Variants in KLHL36 observed in about 807,000 individuals in gnomAD.
The protein encoded by KLHL36 is kelch like family member 36.
KLHL36 carries 35 observed loss-of-function variants against 53.3 expected under a neutral mutation model. The ratio of observed to expected loss-of-function variants is 0.66; its 90% CI spans 0.50 to 0.87. The LOEUF (loss-of-function observed/expected upper bound fraction) is 0.87. Ranked by LOEUF, KLHL36 falls within the 40% of genes least tolerant of loss-of-function variation. The pLI is 0.00. For synonymous variants in KLHL36, 472 were observed against 398.9 expected (o/e 1.18, Z -2.18); for missense variants, 864 against 897.6 (o/e 0.96, Z 0.48).
intron 2 of KLHL36, among the ~76,000 whole-genome samples, chr16:84,654,361 G>T (rs1213615834): frequency 6.6e-6 from 1 of 152,180 alleles, no homozygotes; most frequent in African/African-American, 2.4e-5. Flanking sequence ...ATAATTAGAA[G>T]CTGAGGCCTA....
Position 84,666,079 on chromosome 16 carries a change from T to C in KLHL36, c.*3946T>C, listed in dbSNP as rs2150732700. 1 of 152,350 alleles carries C rather than the reference T, an allele frequency of 6.6e-6. No homozygotes were observed. The highest frequency in any genetic ancestry group is 1.5e-5 in the Non-Finnish European group (1 of 68,050). 9.4% of individuals were successfully genotyped at this position (152,350 alleles called of 1,614,324 possible). On this transcript the variant is annotated 3_prime_UTR_variant, in exon 5 of 5. Coordinates refer to ENST00000564996, the MANE Select transcript of KLHL36 (RefSeq NM_024731.4). ...GAGGGGAGGGGGTGGCATCCTGGCC[T>C]CTAGGATAAATGCCTGGAGTATAGG...
At chr16:84,658,678 C>A (rs1907365530) in intron 3 of KLHL36, 1 of 152,266 alleles carries the variant, frequency 6.6e-6, no homozygotes, top group Non-Finnish European at 1.5e-5. Context: ...TGGCAAGCCC[C>A]TGGCGTAGGG....
chr16:84,653,455 A>C (rs1273191484), intron 2 of KLHL36, among the ~76,000 whole-genome samples: 1 of 151,956 alleles, frequency 6.6e-6, no homozygotes, highest in African/African-American at 2.4e-5. Context: ...CTCTGTTACC[A>C]ATGTCCCTTT....
chr16:84,658,061 G>A (rs141573248), intron 3 of KLHL36, 117 bp downstream of exon 3: 1 of 800,694 alleles, frequency 1.2e-6, no homozygotes, highest in Non-Finnish European at 1.9e-6. Context: ...TCTGAATGAG[G>A]TGTGATGATA....
chr16:84,658,026 C>T (rs1341768671), intron 3 of KLHL36, 82 bp downstream of exon 3: 3 of 1,056,764 alleles, frequency 2.8e-6, no homozygotes, highest in Non-Finnish European at 4.0e-6. Flanking sequence ...CCTTACCTCT[C>T]TGGGGCCTTG....
In KLHL36 at chr16:84,656,842, G is replaced by A. The variant is rs765920632; in HGVS notation, c.64-29G>A. The A allele has an allele frequency of 5.1e-6, 8 of 1,556,006 alleles. No individual in the cohort carries two copies. In the Admixed American group the frequency reaches 6.9e-5, roughly 13 times the overall value. On this transcript the variant is annotated intron_variant, in intron 2 of 4. Transcript: ENST00000564996. ...GGACCAGGGCCGAGCAGGCTGCTGC[G>A]CCGTTTCTAATGTGTCTTCTCTGTC...
At position 84,665,936 on chromosome 16, in the gene KLHL36, T is replaced by G. The variant is rs1245873301; in HGVS notation, c.*3803T>G. 1 of 152,116 alleles carries G rather than the reference T, an allele frequency of 6.6e-6. No homozygotes were observed. Among genetic ancestry groups the G allele is most frequent in the African/African-American group, 2.4e-5 (1 of 41,362 alleles). 9.4% of individuals were successfully genotyped at this position (152,116 alleles called of 1,614,324 possible). ...ATGGTGCAGCAGCATCTCATGGGCC[T>G]TGTGGCTGTCAGAGCCCGTGGTTGG... On this transcript the variant is annotated 3_prime_UTR_variant, in exon 5 of 5. Transcript: ENST00000564996.
chr16:84,659,605 C>T (rs1907425287), intron 3 of KLHL36, 155 bp from the exon 4 acceptor site: 1 of 756,128 alleles, frequency 1.3e-6, no homozygotes, highest in Non-Finnish European at 2.1e-6. Context: ...TCAGAGCTCC[C>T]ACCTGAAGAA....
chr16:84,657,040 G>A lies in KLHL36; in HGVS notation c.233G>A (p.Gly78Asp). Reference sequence around the variant, plus strand: ...TACTTCAACTCCATGTTCACCATCGGCATGCGGGAAGCTTTCCAGAAGGAG... The same window carrying A: ...TACTTCAACTCCATGTTCACCATCGACATGCGGGAAGCTTTCCAGAAGGAG... ...SDYFNSMFTI[G>D]MREAFQKEVE... The change falls in exon 3 of 5, where the codon GGC becomes GAC. Residue 78 changes from glycine (G) to aspartate (D), a missense_variant. Gly to Asp is a moderately conservative substitution (Grantham distance 94, BLOSUM62 -1). Transcript: ENST00000564996. 1 of 1,614,198 alleles carries A rather than the reference G, an allele frequency of 6.2e-7. No individual in the cohort carries two copies. The highest frequency in any genetic ancestry group is 8.5e-7 in the Non-Finnish European group (1 of 1,180,050).
At position 84,667,166 on chromosome 16, in the gene KLHL36, T is replaced by G; in HGVS notation, c.*5033T>G. The G allele has an allele frequency of 6.6e-6, 1 of 152,174 alleles. No individual in the cohort carries two copies. Among genetic ancestry groups the G allele is most frequent in the East Asian group, 1.9e-4 (1 of 5,198 alleles). 9.4% of individuals were successfully genotyped at this position (152,174 alleles called of 1,614,324 possible). ...GTGGGGGGGCAGAGCGGATAACCCC[T>G]TCCTTGTCTGTTTCCTTTGAGAAAG... is the stretch of plus-strand genomic sequence containing the variant. On this transcript the variant is annotated 3_prime_UTR_variant, in exon 5 of 5. Transcript: ENST00000564996.
rs575875777 is a variant in KLHL36 at position 84,661,479 on chromosome 16, T to C, written c.1296-99T>C. ...GCCCACTCCCTATATTCTTAAATCC[T>C]CATGGCCCTCTAAGACGGCAGGCTG... On this transcript the variant is annotated intron_variant, in intron 4 of 4. Coordinates refer to ENST00000564996, the MANE Select transcript of KLHL36 (RefSeq NM_024731.4). This position sits in a 1 kb window ranked among gnomAD's most constrained non-coding sequence, Gnocchi z 7.9. The C allele has an allele frequency of 2.7e-5, 33 of 1,217,276 alleles. No individual in the cohort carries two copies. In the East Asian group the frequency reaches 7.8e-4, roughly 29 times the overall value. 75.4% of individuals were successfully genotyped at this position (1,217,276 alleles called of 1,614,324 possible).
intron 2 of KLHL36, among the ~76,000 whole-genome samples, chr16:84,654,869 C>T (rs1907109244): frequency 6.6e-6 from 1 of 152,138 alleles, no homozygotes; most frequent in African/African-American, 2.4e-5. Flanking sequence ...CTCGGCCTCC[C>T]AAAGTACTGG....
Position 84,659,995 on chromosome 16 carries a change from C to T in KLHL36, c.1295+78C>T. 2.9e-6 allele frequency: 4 copies of T among 1,372,598 alleles called. No homozygotes were observed. The South Asian group carries it at 5.5e-5, about 19-fold the overall frequency. The allele number at this position is 1,372,598 out of a possible 1,614,324, so 85.0% of individuals were successfully genotyped here. ...TAGTTCAGTCCACGTGCCTCACTTT[C>T]TGGGCATGTTGGCCTCCAATTCCAG... is the stretch of plus-strand genomic sequence containing the variant. On this transcript the variant is annotated intron_variant, in intron 4 of 4. Transcript: ENST00000564996.
rs779367147 is a variant in KLHL36 at position 84,661,826 on chromosome 16, G to A, written c.1544G>A (p.Gly515Asp). 1 of 1,608,444 alleles carries A rather than the reference G, an allele frequency of 6.2e-7. No individual in the cohort carries two copies. The highest frequency in any genetic ancestry group is 1.1e-5 in the South Asian group (1 of 90,952). Residue 515 changes from glycine to aspartate, a missense_variant, in exon 5 of 5, where the codon GGC becomes GAC. Gly to Asp is a moderately conservative substitution (Grantham distance 94). Transcript: ENST00000564996. This position sits in a 1 kb window ranked among gnomAD's most constrained non-coding sequence, Gnocchi z 7.9. The part of the protein sequence containing the change: ...IESMERFDVL[G>D]VEAYSPQCNQ... ...TCCATGGAGCGCTTCGACGTGCTGG[G>A]CGTGGAGGCCTACAGCCCGCAGTGC...
In KLHL36 at chr16:84,661,626, C is replaced by A. The variant is rs759159933; in HGVS notation, c.1344C>A (p.Ile448=). Residue 448 remains isoleucine (I), a synonymous_variant, in exon 5 of 5, where the codon ATC becomes ATA. Coordinates refer to ENST00000564996, the MANE Select transcript of KLHL36 (RefSeq NM_024731.4). The surrounding 1 kb of genome is among the most constrained non-coding windows in gnomAD (Gnocchi z 7.9). ...CCATCTACAAAGACTTCGTGTACATCTCGGGGGGCCACGACTACCAAATTG... is the reference window on the plus strand; with the variant it reads ...CCATCTACAAAGACTTCGTGTACATATCGGGGGGCCACGACTACCAAATTG... The part of the protein sequence containing the change: ...AGTIYKDFVY[I]SGGHDYQIGP... The A allele has an allele frequency of 1.2e-6, 2 of 1,611,930 alleles. No homozygotes were observed. The highest frequency in any genetic ancestry group is 1.7e-5 in the Admixed American group (1 of 59,720).
rs1381216949 is a variant in KLHL36 at position 84,664,976 on chromosome 16, T to C, written c.*2843T>C. 1 of 152,200 alleles carries C rather than the reference T, an allele frequency of 6.6e-6. No homozygotes were observed. The allele number at this position is 152,200 out of a possible 1,614,324, so 9.4% of individuals were successfully genotyped here. ...GGGAGGTTGAGGCTGCAGTGAGCTATGACCACACCACTGCACTCTAACCTG... is the reference window on the plus strand; with the variant it reads ...GGGAGGTTGAGGCTGCAGTGAGCTACGACCACACCACTGCACTCTAACCTG... On this transcript the variant is annotated 3_prime_UTR_variant, in exon 5 of 5. Transcript: ENST00000564996.
At chr16:84,656,557 G>A (rs1392499903) in intron 2 of KLHL36, among the ~76,000 whole-genome samples, 4 of 150,996 alleles carry the variant, frequency 2.6e-5, no homozygotes, top group Non-Finnish European at 4.4e-5. Flanking sequence ...ACTTGAACCC[G>A]GGAGGCAGAG....
Position 84,661,770 on chromosome 16 carries a change from C to T in KLHL36, c.1488C>T (p.Tyr496=). The T allele has an allele frequency of 3.1e-6, 5 of 1,613,320 alleles. No individual in the cohort carries two copies. Among genetic ancestry groups the T allele is most frequent in the Non-Finnish European group, 4.2e-6 (5 of 1,179,706 alleles). The change falls in exon 5 of 5, where the codon TAC becomes TAT. Residue 496 remains tyrosine (Y), a synonymous_variant. Coordinates refer to ENST00000564996, the MANE Select transcript of KLHL36 (RefSeq NM_024731.4). The surrounding 1 kb of genome is among the most constrained non-coding windows in gnomAD (Gnocchi z 7.9). The part of the protein sequence containing the change: ...HSMCSLGDSI[Y]SIGGSDDNIE... ...TGTGCAGCCTGGGTGACAGCATCTA[C>T]TCCATCGGGGGCAGCGATGACAACA...
At chr16:84,650,778 T>C (rs973914756) in intron 1 of KLHL36, 74 bp from the exon 2 acceptor site, 1 of 1,084,320 alleles carries the variant, frequency 9.2e-7, no homozygotes, top group Non-Finnish European at 1.4e-6. Context: ...CCTTGGTATC[T>C]GCTAGCAGGG....
Sources: gnomAD v4.1 joint callset for allele counts (sites outside exome capture counted in the v4.1 genomes callset) on GRCh38, gnomAD v4.1.1 for gene constraint, Gnocchi (gnomAD v3.1) non-coding constraint, MANE v1.5 for transcripts, NCBI Gene and HGNC (gene_info 2026-07-23, HGNC 2026-07-21) for gene names.